The following PRKN variants were observed in gnomAD, a reference collection of about 807,000 sequenced individuals.
PRKN encodes E3 ubiquitin-protein ligase parkin.
PRKN carries 56 observed loss-of-function variants against 59.5 expected under a neutral mutation model. That is an observed-to-expected ratio of 0.94 (90% CI 0.76 to 1.18). The LOEUF is 1.18. PRKN is among the 50% of genes most tolerant of loss of function. The pLI is 0.00. For missense variants in PRKN, 657 were observed against 596.4 expected (o/e 1.10, Z -1.06); for synonymous variants, 250 against 222.1 (o/e 1.13, Z -1.12).
intron 6 of PRKN, among the ~76,000 whole-genome samples, chr6:161,805,335 C>T (rs1768279721): frequency 6.6e-6 from 1 of 152,114 alleles, no homozygotes; most frequent in African/African-American, 2.4e-5. Context: ...AATATCCATC[C>T]TCACAGACCT....
chr6:162,675,595 G>A lies in PRKN; in HGVS notation c.7+52067C>T, dbSNP rs772596499. ...GTATGATATCTAAAATAACCAGTAT[G>A]CAGGACTTAAAACAACTACAACCTA... On this transcript the variant is annotated intron_variant, in intron 1 of 11. Transcript: ENST00000366898. Among the ~76,000 whole-genome samples, 7 of 152,098 alleles carry A rather than the reference G, an allele frequency of 4.6e-5. No individual in the cohort carries two copies. The East Asian group carries it at 1.3e-3, about 29-fold the overall frequency.
chr6:162,280,430 G>C (rs1219938553), intron 2 of PRKN, among the ~76,000 whole-genome samples: 1 of 152,008 alleles, frequency 6.6e-6, no homozygotes, highest in Non-Finnish European at 1.5e-5. Flanking sequence ...CAGAAGGAGG[G>C]AAAGATCTAG....
chr6:161,368,197 G>A (rs1007334785), intron 10 of PRKN, among the ~76,000 whole-genome samples: 5 of 150,816 alleles, frequency 3.3e-5, no homozygotes, highest in African/African-American at 7.3e-5. Flanking sequence ...AGGCCAGTGC[G>A]ACGGTCAGGA....
chr6:162,616,259 G>C (rs1404132225), intron 1 of PRKN, among the ~76,000 whole-genome samples: 1 of 152,020 alleles, frequency 6.6e-6, no homozygotes, highest in Admixed American at 6.6e-5. Flanking sequence ...GTATTTATTT[G>C]CTTGATAGTA....
At chr6:162,250,924 G>A (rs1311873826) in intron 3 of PRKN, among the ~76,000 whole-genome samples, 1 of 151,930 alleles carries the variant, frequency 6.6e-6, no homozygotes, top group Non-Finnish European at 1.5e-5. Flanking sequence ...ATTATGACTT[G>A]TTAAGTCTTC....
chr6:161,554,962 G>C lies in PRKN; in HGVS notation c.934-5959C>G, dbSNP rs1780179106. 6.6e-6 allele frequency among the ~76,000 whole-genome samples: 1 copy of C among 151,890 alleles called. No individual in the cohort carries two copies. Among genetic ancestry groups the C allele is most frequent in the Admixed American group, 6.6e-5 (1 of 15,240 alleles). ...TTTGTTAGAGTATATCTTGGTGCTG[G>C]TCATTTCTGGATCAATTTTCACAAG... On this transcript the variant is annotated intron_variant, in intron 8 of 11. Transcript: ENST00000366898. This position sits in a 1 kb window ranked among gnomAD's most constrained non-coding sequence, Gnocchi z 4.5.
At chr6:162,664,843 T>G (rs942886460) in intron 1 of PRKN, among the ~76,000 whole-genome samples, 1 of 152,194 alleles carries the variant, frequency 6.6e-6, no homozygotes, top group Non-Finnish European at 1.5e-5. Flanking sequence ...GCCTGTGCAC[T>G]CTGATGATAG....
chr6:161,719,899 T>A (rs1297563983), intron 7 of PRKN, among the ~76,000 whole-genome samples: 1 of 152,232 alleles, frequency 6.6e-6, no homozygotes, highest in Admixed American at 6.5e-5. Context: ...CCCAAAGTGC[T>A]GGGATTATAG....
intron 2 of PRKN, among the ~76,000 whole-genome samples, chr6:162,267,922 T>G (rs1336787272): frequency 6.6e-6 from 1 of 152,208 alleles, no homozygotes; most frequent in Non-Finnish European, 1.5e-5. Flanking sequence ...GGCACATAGT[T>G]AAGATCCAAA....
intron 9 of PRKN, among the ~76,000 whole-genome samples, chr6:161,441,167 G>A (rs1160875496): frequency 6.6e-6 from 1 of 152,206 alleles, no homozygotes; most frequent in African/African-American, 2.4e-5. Context: ...CGCAGGAGGA[G>A]CAGGAGAGAA....
At chr6:162,345,133 C>A (rs558618754) in intron 2 of PRKN, among the ~76,000 whole-genome samples, 1 of 152,216 alleles carries the variant, frequency 6.6e-6, no homozygotes, top group Non-Finnish European at 1.5e-5. Flanking sequence ...GTGAAGACCA[C>A]GCCTGGAATA....
chr6:162,226,677 G>A (rs1431502365), intron 3 of PRKN, among the ~76,000 whole-genome samples: 2 of 152,146 alleles, frequency 1.3e-5, no homozygotes, highest in Non-Finnish European at 2.9e-5. Context: ...GGGACTACAG[G>A]CGCCTGCTAC....
At chr6:161,367,317 G>T (rs1169241037) in intron 10 of PRKN, among the ~76,000 whole-genome samples, 1 of 152,078 alleles carries the variant, frequency 6.6e-6, no homozygotes, top group African/African-American at 2.4e-5. Flanking sequence ...CTAGGGGAGG[G>T]TGTTTTAGCC....
chr6:162,571,554 A>T (rs1780328822), intron 1 of PRKN, among the ~76,000 whole-genome samples: 1 of 152,156 alleles, frequency 6.6e-6, no homozygotes, highest in Admixed American at 6.5e-5. Context: ...GTGAGAAGGG[A>T]TAAAACAGAA....
At chr6:162,079,620 C>A (rs1778976911) in intron 4 of PRKN, among the ~76,000 whole-genome samples, 1 of 152,066 alleles carries the variant, frequency 6.6e-6, no homozygotes, top group Admixed American at 6.5e-5. Flanking sequence ...TTTATGCTCC[C>A]TGGTCCCTAA....
chr6:161,595,721 T>A lies in PRKN; in HGVS notation c.872-26305A>T, dbSNP rs962414102. 3.9e-5 allele frequency among the ~76,000 whole-genome samples: 6 copies of A among 152,126 alleles called. No individual in the cohort carries two copies. The East Asian group carries it at 9.7e-4, about 24-fold the overall frequency. On this transcript the variant is annotated intron_variant, in intron 7 of 11. Coordinates refer to ENST00000366898, the MANE Select transcript of PRKN (RefSeq NM_004562.3). ...ACAGGGCAGGGAAGTAGAACCTACC[T>A]CTCATTGGGAGGGGGATCACATTAT...
intron 2 of PRKN, among the ~76,000 whole-genome samples, chr6:162,298,398 T>G (rs955168470): frequency 2.6e-5 from 4 of 152,116 alleles, no homozygotes; most frequent in African/African-American, 9.7e-5. Flanking sequence ...CCATGAATAG[T>G]TCAGGTGTCT....
chr6:161,733,783 A>AAAATATATATAT (rs35360887), intron 7 of PRKN, among the ~76,000 whole-genome samples: 1 of 86,216 alleles, frequency 1.2e-5, no homozygotes, highest in African/African-American at 8.8e-5. Flanking sequence ...AAAAAAAAAA[A>AAAATATATATAT]ATATATATAT....
intron 4 of PRKN, among the ~76,000 whole-genome samples, chr6:162,057,822 T>C (rs147186864): frequency 2.0e-5 from 3 of 152,336 alleles, no homozygotes; most frequent in African/African-American, 7.2e-5. Flanking sequence ...CTGGGACATT[T>C]GTTTCTATTT....
Sources: allele counts gnomAD v4.1 joint callset (sites outside exome capture counted in the v4.1 genomes callset), GRCh38; gene constraint gnomAD v4.1.1; non-coding constraint Gnocchi (gnomAD v3.1); transcripts MANE v1.5; gene names NCBI Gene and HGNC (gene_info 2026-07-23, HGNC 2026-07-21).